The following PFKP variants were observed in gnomAD, a reference collection of about 807,000 sequenced individuals.
The protein encoded by PFKP is ATP-dependent 6-phosphofructokinase, platelet type.
Under a neutral mutation model 94.3 loss-of-function variants are expected in PFKP, and 101 were observed. That is an observed-to-expected ratio of 1.07 (90% confidence interval 0.91 to 1.26). The LOEUF (loss-of-function observed/expected upper bound fraction) is 1.26. Ranked by LOEUF, PFKP falls within the 50% of genes most tolerant of loss-of-function variation. The pLI is 0.00. For synonymous variants in PFKP, 573 were observed against 432.6 expected, an observed-to-expected ratio of 1.32 and a Z score of -4.03; for missense variants, 1,145 against 1,103.3, an observed-to-expected ratio of 1.04 and a Z score of -0.53.
chr10:3,082,164 A>G (rs1833135089), intron 1 of PFKP, among the ~76,000 whole-genome samples: 1 of 151,946 alleles, frequency 6.6e-6, no homozygotes, highest in Non-Finnish European at 1.5e-5. Flanking sequence ...CCAGGCAGTG[A>G]TGTTTTGAAC....
chr10:3,135,345 C>T (rs1331471844), intron 20 of PFKP, among the ~76,000 whole-genome samples: 1 of 152,230 alleles, frequency 6.6e-6, no homozygotes. Flanking sequence ...GAAGAACTGA[C>T]TTTGGCTTTG....
intron 16 of PFKP, among the ~76,000 whole-genome samples, chr10:3,126,602 G>T (rs1019876471): frequency 2.6e-5 from 4 of 151,990 alleles, no homozygotes; most frequent in Admixed American, 2.0e-4. Flanking sequence ...GCAGAGGCTC[G>T]GCTGCCGTGA....
At position 3,067,580 on chromosome 10, in the gene PFKP, C is replaced by T; in HGVS notation, c.-16C>T. On this transcript the variant is annotated 5_prime_UTR_variant, in exon 1 of 22. Coordinates refer to ENST00000381125, the MANE Select transcript of PFKP (RefSeq NM_002627.5). ...GCTGCGCACCCGGACGTGCGGCTCC[C>T]CTCGGCCTCCTCGCCATGGACGCGG... 1 of 1,425,578 alleles carries T rather than the reference C, an allele frequency of 7.0e-7. No individual in the cohort carries two copies. The highest frequency in any genetic ancestry group is 9.5e-7 in the Non-Finnish European group (1 of 1,048,402). 88.3% of individuals were successfully genotyped at this position (1,425,578 alleles called of 1,614,324 possible). A position where few individuals can be genotyped will look rare whatever the true frequency, so the allele number is the denominator to read the frequency against.
intron 1 of PFKP, among the ~76,000 whole-genome samples, chr10:3,080,197 G>A (rs572230465): frequency 6.6e-6 from 1 of 152,152 alleles, no homozygotes; most frequent in Non-Finnish European, 1.5e-5. Flanking sequence ...CTGGGAACCT[G>A]GAGGAACGCG....
intron 16 of PFKP, among the ~76,000 whole-genome samples, chr10:3,123,564 C>G (rs1283260836): frequency 1.3e-5 from 2 of 152,174 alleles, no homozygotes; most frequent in Non-Finnish European, 2.9e-5. Flanking sequence ...CTCCTGGTCC[C>G]AGGTCACCCA....
intron 5 of PFKP, 104 bp from the exon 6 acceptor site, chr10:3,105,011 C>A (rs1347604138): frequency 1.8e-6 from 2 of 1,096,314 alleles, no homozygotes; most frequent in South Asian, 1.3e-5. Context: ...GCTGTCAAAG[C>A]CCCTTTTCTC....
chr10:3,098,900 C>T (rs1034656337), intron 2 of PFKP, among the ~76,000 whole-genome samples: 37 of 152,138 alleles, frequency 2.4e-4, no homozygotes, highest in African/African-American at 7.2e-4. Context: ...GTCCCGTGCT[C>T]GACAGTGCTG....
At chr10:3,119,567 C>T (rs571208994) in intron 15 of PFKP, among the ~76,000 whole-genome samples, 25 of 151,862 alleles carry the variant, frequency 1.6e-4, no homozygotes, top group African/African-American at 5.8e-4. Context: ...ATTGCACCAC[C>T]TCACTCCAGC....
intron 16 of PFKP, among the ~76,000 whole-genome samples, chr10:3,126,000 C>T (rs778949393): frequency 2.0e-5 from 3 of 152,196 alleles, no homozygotes; most frequent in Non-Finnish European, 2.9e-5. Context: ...AACTGCTGGC[C>T]GGGGTAGGCC....
At chr10:3,102,637 G>C (rs1835130914) in intron 4 of PFKP, among the ~76,000 whole-genome samples, 1 of 152,084 alleles carries the variant, frequency 6.6e-6, no homozygotes, top group Non-Finnish European at 1.5e-5. Flanking sequence ...TCGCCATGTT[G>C]GCCAGGCTGG....
At chr10:3,071,000 C>A (rs1407463786) in intron 1 of PFKP, among the ~76,000 whole-genome samples, 1 of 152,044 alleles carries the variant, frequency 6.6e-6, no homozygotes, top group African/African-American at 2.4e-5. Context: ...ATCCTCCTGC[C>A]TTGGCCTCCC....
rs1204033402 is a variant in PFKP, at chr10:3,079,671, G to C, written c.113-2717G>C. ...TCTTCAGAGAGCGGGGTGGGGGGGG[G>C]GGGAAGAGGAGCAGGGGTGAGGGGC... On this transcript the variant is annotated intron_variant, in intron 1 of 21. Coordinates refer to ENST00000381125, the MANE Select transcript of PFKP (RefSeq NM_002627.5). Among the ~76,000 whole-genome samples, 5 of 120,974 alleles carry C rather than the reference G, an allele frequency of 4.1e-5. No homozygotes were observed. In the East Asian group the frequency reaches 8.4e-4, roughly 20 times the overall value. 79.4% of individuals were successfully genotyped at this position (120,974 alleles called of 152,430 possible).
intron 13 of PFKP, among the ~76,000 whole-genome samples, chr10:3,114,321 T>A (rs1322244107): frequency 6.6e-6 from 1 of 152,136 alleles, no homozygotes; most frequent in Admixed American, 6.5e-5. Flanking sequence ...AGCTCATTTT[T>A]GTATTTTTAG....
rs200250095 is a variant in PFKP, at chr10:3,113,099, A to G, written c.1155-20A>G. The G allele has an allele frequency of 2.8e-5, 45 of 1,610,010 alleles. No homozygotes were observed. In the East Asian group the frequency reaches 2.9e-4, roughly 10 times the overall value. On this transcript the variant is annotated intron_variant, in intron 11 of 21. Transcript: ENST00000381125. ...GTCCGGTATTCTCGACTCCGGTCCA[A>G]CGACACCCTTTTCCTTTAGGAGCTT...
At chr10:3,124,230 G>A (rs1281405894) in intron 16 of PFKP, among the ~76,000 whole-genome samples, 1 of 152,236 alleles carries the variant, frequency 6.6e-6, no homozygotes, top group African/African-American at 2.4e-5. Context: ...GATATTCACA[G>A]TAAGACGGAC....
Position 3,136,657 on chromosome 10 carries a change from T to A in PFKP, c.*78T>A. 5 of 1,493,360 alleles carry A rather than the reference T, an allele frequency of 3.3e-6. No individual in the cohort carries two copies. The highest frequency in any genetic ancestry group is 4.6e-6 in the Non-Finnish European group (5 of 1,087,192). The allele number at this position is 1,493,360 out of a possible 1,614,324, so 92.5% of individuals were successfully genotyped here. A position where few individuals can be genotyped will look rare whatever the true frequency, so the allele number is the denominator to read the frequency against. Reference sequence around the variant, plus strand: ...ACACTTAAGTTATTTTATCAGCACTTTATGCACGTATTATTGACATTAATA... The same window carrying A: ...ACACTTAAGTTATTTTATCAGCACTATATGCACGTATTATTGACATTAATA... On this transcript the variant is annotated 3_prime_UTR_variant, in exon 22 of 22. Coordinates refer to ENST00000381125, the MANE Select transcript of PFKP (RefSeq NM_002627.5).
chr10:3,125,932 C>T (rs1426394783), intron 16 of PFKP, among the ~76,000 whole-genome samples: 3 of 152,208 alleles, frequency 2.0e-5, no homozygotes, highest in African/African-American at 7.2e-5. Flanking sequence ...GCCACCGTGA[C>T]ATGTGGGGTC....
At chr10:3,107,142 C>T in intron 7 of PFKP, 72 bp from the exon 8 acceptor site, 1 of 930,588 alleles carries the variant, frequency 1.1e-6, no homozygotes, top group East Asian at 2.4e-5. Context: ...AGACAGACTT[C>T]TGTGGTTTTG....
chr10:3,116,822 G>A lies in PFKP; in HGVS notation c.1418G>A (p.Gly473Glu). The stretch of plus-strand genomic sequence containing the variant: ...GATGTCGGGGGCTGGACCGGCCAAG[G>A]AGGCTCCATTCTTGGGACAAAACGG... ...WTDVGGWTGQGGSILGTKRVL... is the reference protein window; with the variant it reads ...WTDVGGWTGQEGSILGTKRVL... The change falls in exon 14 of 22, where the codon GGA becomes GAA. Residue 473 changes from glycine to glutamate, a missense_variant. Gly to Glu is a moderately conservative substitution (Grantham distance 98). Coordinates refer to ENST00000381125, the MANE Select transcript of PFKP (RefSeq NM_002627.5). 1 of 1,613,086 alleles carries A rather than the reference G, an allele frequency of 6.2e-7. No homozygotes were observed. The highest frequency in any genetic ancestry group is 8.5e-7 in the Non-Finnish European group (1 of 1,178,996).
Sources: gnomAD v4.1 joint callset for allele counts (sites outside exome capture counted in the v4.1 genomes callset) on GRCh38, gnomAD v4.1.1 for gene constraint, MANE v1.5 for transcripts, NCBI Gene and HGNC (gene_info 2026-07-23, HGNC 2026-07-21) for gene names.